Variants in OTUD7A observed in about 807,000 individuals in gnomAD.
The protein encoded by OTUD7A is OTU domain-containing protein 7A.
A neutral mutation model predicts 65.7 loss-of-function variants in OTUD7A; 12 were observed. The ratio of observed to expected loss-of-function variants is 0.18; its 90% CI spans 0.12 to 0.30. OTUD7A has a LOEUF of 0.30. Among genes scored for constraint, OTUD7A ranks in the 10% least tolerant of loss-of-function variants. OTUD7A has a pLI of 1.00. For missense variants in OTUD7A, 1,148 were observed against 1,304.8 expected, an observed-to-expected ratio of 0.88 and a Z score of 1.85; for synonymous variants, 641 against 586.3, an observed-to-expected ratio of 1.09 and a Z score of -1.35.
At chr15:31,811,538 T>C (rs113789776) in intron 1 of OTUD7A, among the ~76,000 whole-genome samples, 16 of 152,066 alleles carry the variant, frequency 1.1e-4, no homozygotes, top group Non-Finnish European at 2.1e-4. Flanking sequence ...GGGGTGTGTG[T>C]GCGTATGTGT....
chr15:31,633,392 C>G (rs574958881), intron 3 of OTUD7A, among the ~76,000 whole-genome samples: 192 of 152,268 alleles, frequency 1.3e-3, no homozygotes, highest in Middle Eastern at 6.8e-3. Flanking sequence ...CACCTTAGAC[C>G]TTTCAGATGA....
intron 1 of OTUD7A, among the ~76,000 whole-genome samples, chr15:31,737,773 C>T (rs151210365): frequency 8.5e-5 from 13 of 152,288 alleles, no homozygotes; most frequent in African/African-American, 3.1e-4. Flanking sequence ...ACGGGACTAT[C>T]ACACAGCATT....
At chr15:31,770,835 C>G (rs1895215624) in intron 1 of OTUD7A, among the ~76,000 whole-genome samples, 1 of 152,080 alleles carries the variant, frequency 6.6e-6, no homozygotes, top group African/African-American at 2.4e-5. Context: ...TACAGGAAAG[C>G]CTTTGACAAA....
chr15:31,664,729 G>A (rs954417357), intron 1 of OTUD7A, among the ~76,000 whole-genome samples: 2 of 152,142 alleles, frequency 1.3e-5, no homozygotes, highest in African/African-American at 4.8e-5. Context: ...TGAAATCCTT[G>A]ACTAAGCCAA....
intron 3 of OTUD7A, among the ~76,000 whole-genome samples, chr15:31,607,225 A>G (rs1231311291): frequency 1.3e-5 from 2 of 152,168 alleles, no homozygotes; most frequent in Non-Finnish European, 2.9e-5. Flanking sequence ...AGCTGAAGAG[A>G]GCTTTTAACA....
chr15:31,777,878 G>A (rs948079160), intron 1 of OTUD7A, among the ~76,000 whole-genome samples: 1 of 152,178 alleles, frequency 6.6e-6, no homozygotes, highest in Non-Finnish European at 1.5e-5. Flanking sequence ...GAACACAAGC[G>A]GCTGCATTTG....
chr15:31,711,371 C>A (rs1015187363), intron 1 of OTUD7A, among the ~76,000 whole-genome samples: 9 of 151,932 alleles, frequency 5.9e-5, no homozygotes, highest in Admixed American at 5.9e-4. Flanking sequence ...TTCTGTCTCC[C>A]AGGATGCAGT....
intron 1 of OTUD7A, among the ~76,000 whole-genome samples, chr15:31,735,764 T>A (rs1894173351): frequency 6.6e-6 from 1 of 152,206 alleles, no homozygotes; most frequent in South Asian, 2.1e-4. Flanking sequence ...TGCACCTATA[T>A]GTTCATTAAA....
At position 31,484,438 on chromosome 15, in the gene OTUD7A, G is replaced by A; in HGVS notation, c.1658C>T (p.Ala553Val). 2.5e-6 allele frequency: 4 copies of A among 1,603,360 alleles called. No homozygotes were observed. The highest frequency in any genetic ancestry group is 2.5e-6 in the Non-Finnish European group (3 of 1,179,898). Residue 553 changes from alanine (A) to valine (V), a missense_variant, in exon 13 of 13, where the codon GCC (alanine) becomes GTC (valine). By Grantham distance (64) the Ala-to-Val change is moderately conservative (BLOSUM62 0). Transcript: ENST00000307050. This position sits in a 1 kb window ranked among gnomAD's most constrained non-coding sequence, Gnocchi z 4.5. Reference sequence around the variant, plus strand: ...CCCGTTCTTGCCATTGGCGGAGTTGGCGCGGCCCATCTTGCCGTGCACCAG... The same window carrying A: ...CCCGTTCTTGCCATTGGCGGAGTTGACGCGGCCCATCTTGCCGTGCACCAG... ...GGLVHGKMGRANSANGKNGDS... is the reference protein window; with the variant it reads ...GGLVHGKMGRVNSANGKNGDS...
intron 5 of OTUD7A, among the ~76,000 whole-genome samples, chr15:31,533,490 G>A (rs936233555): frequency 2.0e-5 from 3 of 152,130 alleles, no homozygotes; most frequent in African/African-American, 7.2e-5. Flanking sequence ...GCCTGCGTTG[G>A]CCTCTCAAAG....
chr15:31,834,737 G>A (rs1209378066), intron 1 of OTUD7A, among the ~76,000 whole-genome samples: 2 of 152,206 alleles, frequency 1.3e-5, no homozygotes, highest in African/African-American at 4.8e-5. Context: ...ATAGATAAAC[G>A]CTGTGTCTGC....
At chr15:31,826,132 G>A (rs1417729433) in intron 1 of OTUD7A, among the ~76,000 whole-genome samples, 1 of 152,218 alleles carries the variant, frequency 6.6e-6, no homozygotes, top group Non-Finnish European at 1.5e-5. Context: ...CCACTAGGCA[G>A]TGCCCCAGTA....
intron 1 of OTUD7A, among the ~76,000 whole-genome samples, chr15:31,827,629 CT>C (rs1278437424): frequency 1.3e-5 from 2 of 152,126 alleles, no homozygotes; most frequent in East Asian, 3.9e-4. Flanking sequence ...TTCTAAAACT[CT>C]TTGTTAGAAA....
intron 3 of OTUD7A, among the ~76,000 whole-genome samples, chr15:31,615,691 G>A (rs1435138395): frequency 6.6e-6 from 1 of 152,144 alleles, no homozygotes; most frequent in African/African-American, 2.4e-5. Context: ...CATATGCTAG[G>A]CCATAAAGCA....
intron 5 of OTUD7A, among the ~76,000 whole-genome samples, chr15:31,532,653 C>T (rs112851022): frequency 9.2e-5 from 14 of 152,144 alleles, no homozygotes; most frequent in South Asian, 4.1e-4. Context: ...AGAGGCCAGG[C>T]GCGGTGGCTC....
intron 1 of OTUD7A, among the ~76,000 whole-genome samples, chr15:31,860,695 A>ATATATATATATGTATG (rs1897713773): frequency 7.7e-6 from 1 of 130,288 alleles, no homozygotes; most frequent in Non-Finnish European, 1.6e-5. Context: ...ATATATATAT[A>ATATATATATATGTATG]TATATGTATG....
chr15:31,542,712 G>C (rs537401108), intron 5 of OTUD7A, among the ~76,000 whole-genome samples: 2 of 151,292 alleles, frequency 1.3e-5, no homozygotes, highest in African/African-American at 4.8e-5. Context: ...CAATATAAAA[G>C]ACAGGGAGAA....
intron 1 of OTUD7A, among the ~76,000 whole-genome samples, chr15:31,681,630 T>A (rs1226569037): frequency 1.9e-5 from 1 of 53,668 alleles, no homozygotes; most frequent in African/African-American, 1.1e-4. Context: ...TACCTTTCTG[T>A]CTGACTGTGT....
intron 5 of OTUD7A, among the ~76,000 whole-genome samples, chr15:31,548,313 G>A (rs1051431714): frequency 1.3e-5 from 2 of 150,962 alleles, no homozygotes; most frequent in Admixed American, 1.3e-4. Flanking sequence ...TCGGCTGCTG[G>A]CTTTCTACTT....
Sources: gnomAD v4.1 joint callset for allele counts (sites outside exome capture counted in the v4.1 genomes callset) on GRCh38, gnomAD v4.1.1 for gene constraint, Gnocchi (gnomAD v3.1) non-coding constraint, MANE v1.5 for transcripts, NCBI Gene and HGNC (gene_info 2026-07-23, HGNC 2026-07-21) for gene names.